Variants in ACSM6 observed in about 807,000 individuals in gnomAD.
ACSM6 encodes acyl-CoA synthetase medium chain family member 6.
ACSM6 carries 35 observed loss-of-function variants against 51.1 expected under a neutral mutation model. That is an observed-to-expected ratio of 0.69 (90% CI 0.52 to 0.91). The LOEUF (loss-of-function observed/expected upper bound fraction) is 0.91. Among genes scored for constraint, ACSM6 ranks in the 40% least tolerant of loss-of-function variants. The pLI is 0.00. For synonymous variants in ACSM6, 172 were observed against 207.3 expected, an observed-to-expected ratio of 0.83 and a Z score of 1.46; for missense variants, 509 against 584.1, an observed-to-expected ratio of 0.87 and a Z score of 1.32.
intron 2 of ACSM6, chr10:95,201,648 G>A: frequency 2.1e-6 from 1 of 483,316 alleles, no homozygotes; most frequent in Non-Finnish European, 4.1e-6. Flanking sequence ...TTTATATAAT[G>A]ATTTCTTTTC....
intron 4 of ACSM6, among the ~76,000 whole-genome samples, chr10:95,207,655 A>G (rs966692673): frequency 6.6e-6 from 1 of 152,196 alleles, no homozygotes; most frequent in African/African-American, 2.4e-5. Context: ...TCTGACCTAC[A>G]AGTTCCCAGT....
chr10:95,214,901 A>G (rs1253678430), exon 8 of ACSM6: 9 of 1,551,510 alleles, frequency 5.8e-6, no homozygotes, highest in Non-Finnish European at 7.8e-6. Flanking sequence ...AGGACCCATC[A>G]GCCCTGGGGT....
chr10:95,226,595 T>C (rs551628468), intron 10 of ACSM6, among the ~76,000 whole-genome samples: 1 of 152,186 alleles, frequency 6.6e-6, no homozygotes, highest in Admixed American at 6.5e-5. Context: ...ATAAATAAAA[T>C]GGAGGGTGCA....
chr10:95,209,538 C>T (rs981735908), intron 4 of ACSM6, among the ~76,000 whole-genome samples: 13 of 152,022 alleles, frequency 8.6e-5, no homozygotes, highest in Admixed American at 3.9e-4. Context: ...GATGAGAGGC[C>T]GTGCCGGTGT....
chr10:95,217,428 T>C (rs919241261), intron 8 of ACSM6, among the ~76,000 whole-genome samples: 1 of 151,678 alleles, frequency 6.6e-6, no homozygotes, highest in Admixed American at 6.6e-5. Flanking sequence ...GTCCATAAAA[T>C]AGGCTTCCTG....
intron 3 of ACSM6, among the ~76,000 whole-genome samples, chr10:95,203,881 A>C (rs1307114652): frequency 6.6e-6 from 1 of 150,958 alleles, no homozygotes; most frequent in African/African-American, 2.4e-5. Flanking sequence ...AAAAAAAAAA[A>C]ACTGAAAAGT....
chr10:95,200,834 G>A (rs1451538190), intron 2 of ACSM6, among the ~76,000 whole-genome samples: 1 of 151,004 alleles, frequency 6.6e-6, no homozygotes, highest in Non-Finnish European at 1.5e-5. Context: ...AGAGAGAGAG[G>A]ACAGAAAGGA....
At chr10:95,223,416 C>T (rs2035012186) in intron 9 of ACSM6, among the ~76,000 whole-genome samples, 1 of 152,092 alleles carries the variant, frequency 6.6e-6, no homozygotes, top group African/African-American at 2.4e-5. Flanking sequence ...TTTCTGATTA[C>T]TATAGGTGCC....
chr10:95,219,825 T>A, intron 8 of ACSM6, 66 bp from the exon 9 acceptor site: 1 of 1,196,540 alleles, frequency 8.4e-7, no homozygotes. Flanking sequence ...CTGGTTATGA[T>A]CAATAACTAG....
intron 4 of ACSM6, among the ~76,000 whole-genome samples, chr10:95,209,553 C>T (rs2034874780): frequency 6.6e-6 from 1 of 152,014 alleles, no homozygotes. Flanking sequence ...CGGTGTGGAC[C>T]ATGGTGGTGG....
chr10:95,214,947 T>C (rs751153922), exon 8 of ACSM6: 6 of 1,551,604 alleles, frequency 3.9e-6, no homozygotes, highest in Admixed American at 3.9e-5. Context: ...AAGTTGGACA[T>C]CTATGAAGGC....
At chr10:95,224,198 C>T (rs1306863563) in intron 9 of ACSM6, among the ~76,000 whole-genome samples, 1 of 152,172 alleles carries the variant, frequency 6.6e-6, no homozygotes, top group African/African-American at 2.4e-5. Flanking sequence ...GACCTCTGAT[C>T]CTTAGGGCTG....
intron 9 of ACSM6, 120 bp from the exon 10 acceptor site, chr10:95,225,170 C>A: frequency 1.4e-6 from 1 of 736,208 alleles, no homozygotes; most frequent in Non-Finnish European, 2.3e-6. Context: ...GTACACCAAC[C>A]AAGCACTTTC....
At chr10:95,201,783 T>G in intron 2 of ACSM6, 1 of 600,054 alleles carries the variant, frequency 1.7e-6, no homozygotes. Context: ...ATGCCTGACA[T>G]TATGTTGAAA....
intron 2 of ACSM6, among the ~76,000 whole-genome samples, chr10:95,197,699 A>G (rs868494167): frequency 1.2e-3 from 183 of 151,966 alleles, no homozygotes; most frequent in African/African-American, 3.1e-3. Context: ...AGCAGGCAGG[A>G]GACAGTGGCC....
chr10:95,216,160 C>T (rs920589104), intron 8 of ACSM6, among the ~76,000 whole-genome samples: 2 of 152,110 alleles, frequency 1.3e-5, no homozygotes, highest in African/African-American at 4.8e-5. Flanking sequence ...TTTCAAACTC[C>T]TGGCCTCAGG....
chr10:95,194,819 A>C (rs2034709680), intron 2 of ACSM6, 142 bp downstream of exon 2: 1 of 749,614 alleles, frequency 1.3e-6, no homozygotes, highest in Admixed American at 2.9e-5. Context: ...CAAAATGACT[A>C]AGAACATAGG....
chr10:95,195,169 C>T (rs1448948472), intron 2 of ACSM6, among the ~76,000 whole-genome samples: 1 of 152,150 alleles, frequency 6.6e-6, no homozygotes, highest in African/African-American at 2.4e-5. Flanking sequence ...AAGGAACTTA[C>T]TGCGTAGTGT....
intron 6 of ACSM6, 74 bp downstream of exon 6, chr10:95,212,108 A>G: frequency 6.4e-7 from 1 of 1,556,392 alleles, no homozygotes; most frequent in South Asian, 1.1e-5. Context: ...CCAGTGACTC[A>G]TGCCCAGAAT....
Sources: allele counts gnomAD v4.1 joint callset (sites outside exome capture counted in the v4.1 genomes callset), GRCh38; gene constraint gnomAD v4.1.1; transcripts MANE v1.5; gene names NCBI Gene and HGNC (gene_info 2026-07-23, HGNC 2026-07-21).